The following PCDHGA12 variants were observed in gnomAD, a reference collection of about 807,000 sequenced individuals.
The protein encoded by PCDHGA12 is protocadherin gamma subfamily A, 12, also known as protocadherin gamma-A12.
Under a neutral mutation model 61.1 loss-of-function variants are expected in PCDHGA12, and 43 were observed. That is an observed-to-expected ratio of 0.70 (90% CI 0.55 to 0.91). The LOEUF (loss-of-function observed/expected upper bound fraction) is 0.91. Among genes scored for constraint, PCDHGA12 ranks in the 40% least tolerant of loss-of-function variants. The probability of loss-of-function intolerance (pLI) is 0.00; values close to 1 mark genes in which losing one functional copy is unlikely to be tolerated. For missense variants in PCDHGA12, 1,236 were observed against 1,227.7 expected (o/e 1.01, Z -0.10); for synonymous variants, 520 against 542.9 (o/e 0.96, Z 0.59).
chr5:141,483,436 C>T, intron 1 of PCDHGA12, among the ~76,000 whole-genome samples: 1 of 152,198 alleles, frequency 6.6e-6, no homozygotes, highest in Non-Finnish European at 1.5e-5. Context: ...GAGCTGACTA[C>T]AATAAAATCA....
chr5:141,507,097 A>G (rs1343795018), intron 3 of PCDHGA12: 1 of 152,082 alleles, frequency 6.6e-6, no homozygotes, highest in African/African-American at 2.4e-5. Flanking sequence ...TGCTCTTTCT[A>G]CTATAGGGAC....
At chr5:141,509,758 C>T (rs574741134) in intron 3 of PCDHGA12, among the ~76,000 whole-genome samples, 17 of 152,202 alleles carry the variant, frequency 1.1e-4, no homozygotes. Flanking sequence ...CTAAAGTGTC[C>T]CTGAGATGTC....
rs1175280816 is a variant in PCDHGA12 at position 141,511,121 on chromosome 5, C to T, written c.2747C>T (p.Pro916Leu). 2 of 1,614,102 alleles carry T rather than the reference C, an allele frequency of 1.2e-6. No homozygotes were observed. Among genetic ancestry groups the T allele is most frequent in the African/African-American group, 1.3e-5 (1 of 74,938 alleles). Residue 916 changes from proline (P) to leucine (L), a missense_variant, in exon 4 of 4, where the codon CCA becomes CTA. Transcript: ENST00000252085. ...GCTGGCAAGCGGGATGGCAAGGCCCCAGCAGGTGGCAATGGCAACAAGAAG... is the reference window on the plus strand; with the variant it reads ...GCTGGCAAGCGGGATGGCAAGGCCCTAGCAGGTGGCAATGGCAACAAGAAG... ...NAAGKRDGKA[P>L]AGGNGNKKKS...
Position 141,447,955 on chromosome 5 carries a change from G to A in PCDHGA12, c.2424+14772G>A, listed in dbSNP as rs536740280. On this transcript the variant is annotated intron_variant, in intron 1 of 3. Coordinates refer to ENST00000252085, the MANE Select transcript of PCDHGA12 (RefSeq NM_003735.3). ...ACAAAAATTAGCTGGGCATGGTGGC[G>A]GACACCTATAATCCCAGCTACTCGG... Among the ~76,000 whole-genome samples the A allele has an allele frequency of 1.6e-4, 24 of 151,898 alleles. 1 individual carries two copies. The highest frequency in any genetic ancestry group is 8.3e-4 in the South Asian group (4 of 4,816).
At position 141,486,821 on chromosome 5, in the gene PCDHGA12, A is replaced by T. The variant is rs756652952; in HGVS notation, c.2425-7986A>T. On this transcript the variant is annotated intron_variant, in intron 1 of 3. Transcript: ENST00000252085. The surrounding 1 kb of genome is among the most constrained non-coding windows in gnomAD (Gnocchi z 5.0). ...CAACCCACCCCTTAGCAGCACTGTA[A>T]CAGTTCGTCTATTTGTGCTGGACCT... 36 of 1,614,116 alleles carry T rather than the reference A, an allele frequency of 2.2e-5. No individual in the cohort carries two copies. In the South Asian group the frequency reaches 3.4e-4, roughly 15 times the overall value.
At chr5:141,462,893 G>A (rs577241413) in intron 1 of PCDHGA12, among the ~76,000 whole-genome samples, 68 of 152,170 alleles carry the variant, frequency 4.5e-4, no homozygotes, top group African/African-American at 1.4e-3. Context: ...AGTTTGTTTT[G>A]GAAGGCTATT....
At position 141,512,091 on chromosome 5, in the gene PCDHGA12, A is replaced by C. The variant is rs1329025049; in HGVS notation, c.*918A>C. On this transcript the variant is annotated 3_prime_UTR_variant, in exon 4 of 4. Transcript: ENST00000252085. The stretch of plus-strand genomic sequence containing the variant: ...TCCAGATTCCAGCCATAAACCAATA[A>C]CTAGGCTGGACCCTTCCCACTACAT... 1 of 152,656 alleles carries C rather than the reference A, an allele frequency of 6.6e-6. No homozygotes were observed. The highest frequency in any genetic ancestry group is 2.4e-5 in the African/African-American group (1 of 41,456). 9.5% of individuals were successfully genotyped at this position (152,656 alleles called of 1,614,324 possible). A position where few individuals can be genotyped will look rare whatever the true frequency, so the allele number is the denominator to read the frequency against.
chr5:141,458,575 G>A (rs1337776166), intron 1 of PCDHGA12, among the ~76,000 whole-genome samples: 1 of 151,346 alleles, frequency 6.6e-6, no homozygotes, highest in Non-Finnish European at 1.5e-5. Context: ...GTTTTTGTTT[G>A]TTTGTTTGTT....
At chr5:141,455,837 AT>A (rs2098833014) in intron 1 of PCDHGA12, among the ~76,000 whole-genome samples, 2 of 151,422 alleles carry the variant, frequency 1.3e-5, no homozygotes, top group African/African-American at 4.8e-5. Context: ...TTTCCTGTCT[AT>A]CTGCATAAAA....
At position 141,430,577 on chromosome 5, in the gene PCDHGA12, C is replaced by A; in HGVS notation, c.-183C>A. ...CAATCGGGGAGAGAAAAGCGGAGAT[C>A]CTGCTCGCCTTGCACGCGCCTGAAG... On this transcript the variant is annotated 5_prime_UTR_variant, in exon 1 of 4. Coordinates refer to ENST00000252085, the MANE Select transcript of PCDHGA12 (RefSeq NM_003735.3). The A allele has an allele frequency of 2.2e-6, 1 of 464,652 alleles. No homozygotes were observed. 28.8% of individuals were successfully genotyped at this position (464,652 alleles called of 1,614,324 possible). A position where few individuals can be genotyped will look rare whatever the true frequency, so the allele number is the denominator to read the frequency against.
intron 1 of PCDHGA12, among the ~76,000 whole-genome samples, chr5:141,456,059 G>A (rs1200043527): frequency 1.3e-5 from 2 of 151,662 alleles, no homozygotes; most frequent in Non-Finnish European, 1.5e-5. Flanking sequence ...CACCACGTCC[G>A]GCTAATTTTT....
Position 141,486,747 on chromosome 5 carries a change from A to G in PCDHGA12, c.2425-8060A>G, listed in dbSNP as rs750666508. The G allele has an allele frequency of 3.1e-6, 5 of 1,614,210 alleles. No homozygotes were observed. The highest frequency in any genetic ancestry group is 4.2e-6 in the Non-Finnish European group (5 of 1,180,034). On this transcript the variant is annotated intron_variant, in intron 1 of 3. Transcript: ENST00000252085. This position sits in a 1 kb window ranked among gnomAD's most constrained non-coding sequence, Gnocchi z 5.0. Reference sequence around the variant, plus strand: ...GTTCATGCTACTCGATCCTTTGACTATGAGCAAACCCAGACACTGCAGTTT... The same window carrying G: ...GTTCATGCTACTCGATCCTTTGACTGTGAGCAAACCCAGACACTGCAGTTT...
chr5:141,450,264 C>T (rs1395960399), intron 1 of PCDHGA12, among the ~76,000 whole-genome samples: 1 of 152,112 alleles, frequency 6.6e-6, no homozygotes, highest in Non-Finnish European at 1.5e-5. Flanking sequence ...GTGATCTGCC[C>T]ACCTCAGCTA....
intron 1 of PCDHGA12, among the ~76,000 whole-genome samples, chr5:141,471,118 A>G (rs58897068): frequency 0.11 from 15,938 of 141,604 alleles, 871 homozygotes; most frequent in South Asian, 0.16. Flanking sequence ...GTGCGATCTT[A>G]CCTTCACTGC....
At chr5:141,441,386 G>A (rs2098243752) in intron 1 of PCDHGA12, 1 of 153,358 alleles carries the variant, frequency 6.5e-6, no homozygotes, top group African/African-American at 2.4e-5. Flanking sequence ...ACAGACCCAA[G>A]GTATAACATC....
intron 1 of PCDHGA12, among the ~76,000 whole-genome samples, chr5:141,449,041 C>T (rs998143732): frequency 3.3e-5 from 5 of 152,126 alleles, no homozygotes; most frequent in Admixed American, 3.3e-4. Flanking sequence ...GATTATTAAC[C>T]AGTCTCATAA....
chr5:141,482,069 G>A (rs892777397), intron 1 of PCDHGA12, among the ~76,000 whole-genome samples: 1 of 138,078 alleles, frequency 7.2e-6, no homozygotes, highest in Non-Finnish European at 1.5e-5. Context: ...TGGGCAACAA[G>A]AACAAAACTC....
chr5:141,467,008 A>T (rs1319152720), intron 1 of PCDHGA12, among the ~76,000 whole-genome samples: 1 of 150,270 alleles, frequency 6.7e-6, no homozygotes, highest in African/African-American at 2.4e-5. Context: ...TTGCAATGCA[A>T]TTTTTTTCCC....
chr5:141,498,786 A>T (rs2099785591), intron 2 of PCDHGA12, among the ~76,000 whole-genome samples: 1 of 152,050 alleles, frequency 6.6e-6, no homozygotes, highest in East Asian at 1.9e-4. Context: ...ACAAAATATT[A>T]GCCAGGTGTG....
Sources: gnomAD v4.1 joint callset for allele counts (sites outside exome capture counted in the v4.1 genomes callset) on GRCh38, gnomAD v4.1.1 for gene constraint, Gnocchi (gnomAD v3.1) non-coding constraint, MANE v1.5 for transcripts, NCBI Gene and HGNC (gene_info 2026-07-23, HGNC 2026-07-21) for gene names.